Variants in IL12RB1 observed in about 807,000 individuals in gnomAD.
IL12RB1 encodes the protein interleukin 12 receptor subunit beta 1.
Under a neutral mutation model 94.4 loss-of-function variants are expected in IL12RB1, and 64 were observed. That is an observed-to-expected ratio of 0.68 (90% CI 0.55 to 0.83). The LOEUF (loss-of-function observed/expected upper bound fraction) is 0.83. Among genes scored for constraint, IL12RB1 ranks in the 40% least tolerant of loss-of-function variants. The pLI is 0.00. For synonymous variants in IL12RB1, 362 were observed against 355.5 expected, an observed-to-expected ratio of 1.02 and a Z score of -0.21; for missense variants, 814 against 855.6, an observed-to-expected ratio of 0.95 and a Z score of 0.61.
At chr19:18,086,636 A>G in intron 1 of IL12RB1, 124 bp downstream of exon 1, 1 of 864,832 alleles carries the variant, frequency 1.2e-6, no homozygotes, top group South Asian at 1.7e-5. Context: ...CTCCCATTTG[A>G]CAGCAGGAAA....
chr19:18,094,885 T>C (rs1396287464), intron 1 of IL12RB1, among the ~76,000 whole-genome samples: 1 of 151,974 alleles, frequency 6.6e-6, no homozygotes, highest in Non-Finnish European at 1.5e-5. Context: ...AACCAAAATA[T>C]ATCCACAAAG....
chr19:18,078,611 G>A (rs2035654921), intron 4 of IL12RB1, among the ~76,000 whole-genome samples: 5 of 151,744 alleles, frequency 3.3e-5, no homozygotes, highest in Admixed American at 3.3e-4. Flanking sequence ...TCTCTTGGGG[G>A]TGATCCGCCC....
upstream of IL12RB1, among the ~76,000 whole-genome samples, chr19:18,087,657 A>G (rs971766893): frequency 2.6e-5 from 4 of 151,104 alleles, no homozygotes; most frequent in African/African-American, 9.7e-5. Flanking sequence ...CTGGGACTAC[A>G]GGCATGCACC....
chr19:18,095,228 G>A (rs755232881), intron 1 of IL12RB1, among the ~76,000 whole-genome samples: 4 of 152,224 alleles, frequency 2.6e-5, no homozygotes, highest in Admixed American at 6.6e-5. Flanking sequence ...GTATGCCAAT[G>A]TTTATAGCAG....
In IL12RB1 at chr19:18,059,135, G is replaced by T. The variant is rs1327016410; in HGVS notation, c.*473C>A. 6.2e-6 allele frequency: 1 copy of T among 161,266 alleles called. No individual in the cohort carries two copies. Among genetic ancestry groups the T allele is most frequent in the Non-Finnish European group, 1.2e-5 (1 of 80,356 alleles). 10.0% of individuals were successfully genotyped at this position (161,266 alleles called of 1,614,324 possible). A position where few individuals can be genotyped will look rare whatever the true frequency, so the allele number is the denominator to read the frequency against. ...TTATCACCACCCCCATTTTATAGGG[G>T]GGTGAGGGTGGGGTGGGGGGTGGGA... is the stretch of plus-strand genomic sequence containing the variant. On this transcript the variant is annotated 3_prime_UTR_variant, in exon 17 of 17. Transcript: ENST00000593993.
chr19:18,096,661 C>T (rs896662011), intron 1 of IL12RB1, among the ~76,000 whole-genome samples: 1 of 151,754 alleles, frequency 6.6e-6, no homozygotes, highest in African/African-American at 2.4e-5. Flanking sequence ...ATGGTGAGAC[C>T]TCATCTCTAC....
chr19:18,064,600 G>A (rs1220250852), intron 12 of IL12RB1, among the ~76,000 whole-genome samples: 1 of 151,824 alleles, frequency 6.6e-6, no homozygotes, highest in Non-Finnish European at 1.5e-5. Flanking sequence ...AGCCTCCTGA[G>A]TAGCCGGGAT....
intron 1 of IL12RB1, among the ~76,000 whole-genome samples, chr19:18,094,038 G>A (rs1449001718): frequency 6.6e-6 from 1 of 152,170 alleles, no homozygotes; most frequent in Non-Finnish European, 1.5e-5. Flanking sequence ...AAACTCACTC[G>A]TAGTCATTAT....
intron 11 of IL12RB1, 50 bp from the exon 12 acceptor site, chr19:18,066,747 C>T (rs771629369): frequency 1.9e-6 from 3 of 1,545,852 alleles, no homozygotes. Flanking sequence ...CTGGTCGAGG[C>T]CTGGCACAGT....
chr19:18,066,530 T>G lies in IL12RB1; in HGVS notation c.1483+12A>C. 6.2e-7 allele frequency: 1 copy of G among 1,604,434 alleles called. No homozygotes were observed. On this transcript the variant is annotated intron_variant, in intron 12 of 16. Transcript: ENST00000593993. ...CTTCCTCCCCAAGCCAGGTCTGCAC[T>G]GCCTCACGTACCTGACACCTGTTTG...
intron 1 of IL12RB1, among the ~76,000 whole-genome samples, chr19:18,085,162 C>T (rs2036240400): frequency 6.6e-6 from 1 of 152,164 alleles, no homozygotes; most frequent in Non-Finnish European, 1.5e-5. Flanking sequence ...GACCCCGGCG[C>T]CCTCACTCCC....
intron 1 of IL12RB1, among the ~76,000 whole-genome samples, chr19:18,086,105 C>T (rs575517520): frequency 2.6e-4 from 40 of 152,076 alleles, no homozygotes; most frequent in Middle Eastern, 3.4e-3. Context: ...CACCTGCAGT[C>T]CCAGCTACTC....
At chr19:18,094,618 C>A (rs185304768) in intron 1 of IL12RB1, among the ~76,000 whole-genome samples, 6 of 152,250 alleles carry the variant, frequency 3.9e-5, no homozygotes, top group Non-Finnish European at 8.8e-5. Flanking sequence ...AATCCCAGCA[C>A]GTTGGGAAGC....
Position 18,063,078 on chromosome 19 carries a change from A to ATTTTTTTTT in IL12RB1, c.1618+789_1618+797dup, listed in dbSNP as rs67262412. ...TCTTTCTTCTCCTTCTTCTTCTTCTATTTTTTTTTTTTTTTTTTTTTTTTT... is the reference window on the plus strand; with the variant it reads ...TCTTTCTTCTCCTTCTTCTTCTTCTATTTTTTTTTTTTTTTTTTTTTTTTTTTTTTTTTT... On this transcript the variant is annotated intron_variant, in intron 13 of 16. Coordinates refer to ENST00000593993, the MANE Select transcript of IL12RB1 (RefSeq NM_005535.3). 1.5e-3 allele frequency among the ~76,000 whole-genome samples: 75 copies of ATTTTTTTTT among 51,466 alleles called. 12 individuals carry two copies. Among genetic ancestry groups the ATTTTTTTTT allele is most frequent in the African/African-American group, 1.8e-3 (17 of 9,674 alleles). 33.8% of individuals were successfully genotyped at this position (51,466 alleles called of 152,430 possible).
chr19:18,078,627 G>A (rs1004161369), intron 4 of IL12RB1, among the ~76,000 whole-genome samples: 9 of 151,354 alleles, frequency 5.9e-5, no homozygotes, highest in African/African-American at 1.9e-4. Context: ...CGCCCACCTC[G>A]GGCTCCCAAA....
rs999224582 is a variant in IL12RB1, at chr19:18,059,143, G to A, written c.*465C>T. On this transcript the variant is annotated 3_prime_UTR_variant, in exon 17 of 17. Coordinates refer to ENST00000593993, the MANE Select transcript of IL12RB1 (RefSeq NM_005535.3). ...ACCCCCATTTTATAGGGGGGTGAGG[G>A]TGGGGTGGGGGGTGGGATGGGAGGA... 3 of 159,230 alleles carry A rather than the reference G, an allele frequency of 1.9e-5. No individual in the cohort carries two copies. The highest frequency in any genetic ancestry group is 8.8e-5 in the African/African-American group (3 of 34,192). The allele number at this position is 159,230 out of a possible 1,614,324, so 9.9% of individuals were successfully genotyped here.
intron 15 of IL12RB1, 46 bp downstream of exon 15, chr19:18,061,074 GCA>G: frequency 1.0e-6 from 1 of 959,992 alleles, no homozygotes; most frequent in Non-Finnish European, 1.7e-6. Context: ...CCCTTGTCCA[GCA>G]TGTGCACCCA....
chr19:18,088,388 A>AATATATATATATATATATATAT (rs372635550), upstream of IL12RB1, among the ~76,000 whole-genome samples: 312 of 108,442 alleles, frequency 2.9e-3, 5 homozygotes, highest in African/African-American at 9.7e-3. Context: ...TCCATCTCAA[A>AATATATATATATATATATATAT]ATATATATAT....
chr19:18,070,010 G>A (rs2034907239), intron 9 of IL12RB1, among the ~76,000 whole-genome samples: 1 of 152,068 alleles, frequency 6.6e-6, no homozygotes, highest in African/African-American at 2.4e-5. Flanking sequence ...CAGCCTCCCG[G>A]GTTCAAATGA....
Sources: gnomAD v4.1 joint callset for allele counts (sites outside exome capture counted in the v4.1 genomes callset) on GRCh38, gnomAD v4.1.1 for gene constraint, MANE v1.5 for transcripts, NCBI Gene and HGNC (gene_info 2026-07-23, HGNC 2026-07-21) for gene names.